The following PDPK1 variants were observed in gnomAD, a reference collection of about 807,000 sequenced individuals.
PDPK1 encodes 3-phosphoinositide-dependent protein kinase 1.
A neutral mutation model predicts 39.8 loss-of-function variants in PDPK1; 7 were observed. The ratio of observed to expected loss-of-function variants is 0.18; its 90% CI spans 0.10 to 0.33. The LOEUF (loss-of-function observed/expected upper bound fraction) is 0.33, where lower values mean the gene tolerates loss of function less well. Ranked by LOEUF, PDPK1 falls within the 10% of genes least tolerant of loss-of-function variation. The pLI is 1.00. For synonymous variants in PDPK1, 118 were observed against 159.1 expected, an observed-to-expected ratio of 0.74 and a Z score of 1.95; for missense variants, 182 against 384.7, an observed-to-expected ratio of 0.47 and a Z score of 4.41.
In PDPK1 at chr16:2,593,137, C is replaced by T. The variant is rs755731554; in HGVS notation, c.1344-2656C>T. 19 of 454,608 alleles carry T rather than the reference C, an allele frequency of 4.2e-5. No homozygotes were observed. The highest frequency in any genetic ancestry group is 6.0e-4 in the Middle Eastern group (1 of 1,680). The allele number at this position is 454,608 out of a possible 1,614,324, so 28.2% of individuals were successfully genotyped here. ...GCAGGTGCCGAGCGGGAGCACCACT[C>T]CTGCACGCCCGTGCCTGTGGCATGC... On this transcript the variant is annotated intron_variant, in intron 11 of 13. Coordinates refer to ENST00000342085, the MANE Select transcript of PDPK1 (RefSeq NM_002613.5). The surrounding 1 kb of genome is among the most constrained non-coding windows in gnomAD (Gnocchi z 4.2).
chr16:2,597,389 T>G lies in PDPK1; in HGVS notation c.1554+114T>G. Reference sequence around the variant, plus strand: ...AGCAGCGGGGATCGGGGCAGCTGCCTCGCCCTTTCCGACATCCCAGACGCC... The same window carrying G: ...AGCAGCGGGGATCGGGGCAGCTGCCGCGCCCTTTCCGACATCCCAGACGCC... On this transcript the variant is annotated intron_variant, in intron 13 of 13. Transcript: ENST00000342085. The surrounding 1 kb of genome is among the most constrained non-coding windows in gnomAD (Gnocchi z 6.3). 1.0e-6 allele frequency: 1 copy of G among 983,824 alleles called. No individual in the cohort carries two copies. The allele number at this position is 983,824 out of a possible 1,614,324, so 60.9% of individuals were successfully genotyped here. A position where few individuals can be genotyped will look rare whatever the true frequency, so the allele number is the denominator to read the frequency against.
Position 2,597,545 on chromosome 16 carries a change from C to T in PDPK1, c.1555-106C>T, listed in dbSNP as rs919108472. The T allele has an allele frequency of 2.7e-5, 23 of 836,996 alleles. No homozygotes were observed. The highest frequency in any genetic ancestry group is 2.9e-4 in the Middle Eastern group (1 of 3,410). The allele number at this position is 836,996 out of a possible 1,614,324, so 51.8% of individuals were successfully genotyped here. On this transcript the variant is annotated intron_variant, in intron 13 of 13. Transcript: ENST00000342085. This position sits in a 1 kb window ranked among gnomAD's most constrained non-coding sequence, Gnocchi z 6.3. The stretch of plus-strand genomic sequence containing the variant: ...CTTGTGTGAATAACCGTCACACCCA[C>T]GTGCTTTCAGGACTCGGAATGGCTG...
chr16:2,599,103 C>T lies in PDPK1; in HGVS notation c.*1336C>T. The T allele has an allele frequency of 4.3e-6, 1 of 233,458 alleles. No individual in the cohort carries two copies. The highest frequency in any genetic ancestry group is 8.5e-6 in the Non-Finnish European group (1 of 118,152). The allele number at this position is 233,458 out of a possible 1,614,324, so 14.5% of individuals were successfully genotyped here. A position where few individuals can be genotyped will look rare whatever the true frequency, so the allele number is the denominator to read the frequency against. On this transcript the variant is annotated 3_prime_UTR_variant, in exon 14 of 14. Coordinates refer to ENST00000342085, the MANE Select transcript of PDPK1 (RefSeq NM_002613.5). ...TGCCCCGCTCTGCAGCACAGACAGG[C>T]CAGATGCATTTGTCCTTTGCCTAGC...
intron 11 of PDPK1, among the ~76,000 whole-genome samples, chr16:2,587,476 A>G (rs934634088): frequency 5.3e-5 from 8 of 151,908 alleles, no homozygotes; most frequent in Non-Finnish European, 1.2e-4. Context: ...TTTTTGAGGT[A>G]CTTTGTGTCC....
intron 10 of PDPK1, among the ~76,000 whole-genome samples, chr16:2,585,726 C>G (rs1375980818): frequency 6.6e-6 from 1 of 152,212 alleles, no homozygotes; most frequent in Non-Finnish European, 1.5e-5. Flanking sequence ...GCACCTTGCT[C>G]CAGCCCAGCT....
At position 2,601,402 on chromosome 16, in the gene PDPK1, G is replaced by T; in HGVS notation, c.*3635G>T. On this transcript the variant is annotated 3_prime_UTR_variant, in exon 14 of 14. Coordinates refer to ENST00000342085, the MANE Select transcript of PDPK1 (RefSeq NM_002613.5). ...GCCAATTTCCTTGTTTTGGTTGCAA[G>T]AACCTGGCTCTGCCTGCATGTCAGC... is the stretch of plus-strand genomic sequence containing the variant. 1 of 234,658 alleles carries T rather than the reference G, an allele frequency of 4.3e-6. No homozygotes were observed. The highest frequency in any genetic ancestry group is 1.3e-3 in the Middle Eastern group (1 of 786). 14.5% of individuals were successfully genotyped at this position (234,658 alleles called of 1,614,324 possible). A position where few individuals can be genotyped will look rare whatever the true frequency, so the allele number is the denominator to read the frequency against.
chr16:2,538,079 C>G lies in PDPK1; in HGVS notation c.-34C>G. The G allele has an allele frequency of 2.0e-6, 2 of 1,016,002 alleles. No homozygotes were observed. Among genetic ancestry groups the G allele is most frequent in the African/African-American group, 1.7e-5 (1 of 57,326 alleles). The allele number at this position is 1,016,002 out of a possible 1,614,324, so 62.9% of individuals were successfully genotyped here. A position where few individuals can be genotyped will look rare whatever the true frequency, so the allele number is the denominator to read the frequency against. On this transcript the variant is annotated 5_prime_UTR_variant, in exon 1 of 14. Transcript: ENST00000342085. Reference sequence around the variant, plus strand: ...TGAGGAGGCGCCGAGCCGCGCAGCGCTGCGGGGGAGGCGCCCGCGCCGACG... The same window carrying G: ...TGAGGAGGCGCCGAGCCGCGCAGCGGTGCGGGGGAGGCGCCCGCGCCGACG...
chr16:2,544,364 G>A (rs1198043541), intron 1 of PDPK1, among the ~76,000 whole-genome samples: 2 of 152,198 alleles, frequency 1.3e-5, no homozygotes, highest in African/African-American at 4.8e-5. Context: ...CATTGAGCTA[G>A]CAGTGGAGAA....
intron 1 of PDPK1, chr16:2,538,809 C>G (rs999466677): frequency 1.6e-6 from 2 of 1,238,302 alleles, no homozygotes; most frequent in African/African-American, 3.1e-5. Context: ...AAACAAACCA[C>G]TTGTTGGGTG....
At position 2,580,275 on chromosome 16, in the gene PDPK1, G is replaced by T. The variant is rs1005494059; in HGVS notation, c.786-1020G>T. ...TTCTGTACTGTTGTGCGTTGAAGGG[G>T]TTTCCATGGATTCACACACTGGCGT... On this transcript the variant is annotated intron_variant, in intron 7 of 13. Transcript: ENST00000342085. Among the ~76,000 whole-genome samples the T allele has an allele frequency of 1.9e-4, 27 of 144,992 alleles. 2 individuals are homozygous for T. The highest frequency in any genetic ancestry group is 3.6e-4 in the Non-Finnish European group (24 of 66,704).
intron 1 of PDPK1, among the ~76,000 whole-genome samples, chr16:2,544,976 G>A (rs59334155): frequency 0.019 from 2,888 of 151,248 alleles, 98 homozygotes; most frequent in African/African-American, 0.066. Context: ...TGCCTTCTGA[G>A]CTCAGAAGCT....
chr16:2,585,581 C>T (rs2066852869), intron 10 of PDPK1, among the ~76,000 whole-genome samples: 2 of 152,206 alleles, frequency 1.3e-5, no homozygotes, highest in Admixed American at 6.5e-5. Flanking sequence ...CTGTAAGTGC[C>T]GGGGCAGTGT....
intron 11 of PDPK1, 69 bp downstream of exon 11, chr16:2,586,962 G>T (rs2066889860): frequency 7.3e-7 from 1 of 1,376,704 alleles, no homozygotes; most frequent in African/African-American, 1.4e-5. Flanking sequence ...GGCTTATGGT[G>T]GGTGCCTTTG....
chr16:2,577,837 C>G (rs368609490), intron 7 of PDPK1, among the ~76,000 whole-genome samples: 1 of 147,936 alleles, frequency 6.8e-6, no homozygotes, highest in Non-Finnish European at 1.5e-5. Flanking sequence ...CTCCCGGGTT[C>G]AAGCAATTCT....
rs539624769 is a variant in PDPK1 at position 2,601,571 on chromosome 16, T to G, written c.*3804T>G. 12 of 234,284 alleles carry G rather than the reference T, an allele frequency of 5.1e-5. No individual in the cohort carries two copies. The highest frequency in any genetic ancestry group is 2.4e-4 in the East Asian group (4 of 16,562). 14.5% of individuals were successfully genotyped at this position (234,284 alleles called of 1,614,324 possible). On this transcript the variant is annotated 3_prime_UTR_variant, in exon 14 of 14. Coordinates refer to ENST00000342085, the MANE Select transcript of PDPK1 (RefSeq NM_002613.5). The stretch of plus-strand genomic sequence containing the variant: ...CCTTGCCACATGCTTAGTGAGTGAT[T>G]TGTAATTAAGTTTATAGACTCAGAA...
At position 2,601,281 on chromosome 16, in the gene PDPK1, A is replaced by G. The variant is rs533467818; in HGVS notation, c.*3514A>G. 493 of 234,356 alleles carry G rather than the reference A, an allele frequency of 2.1e-3. 1 individual carries two copies. The highest frequency in any genetic ancestry group is 6.4e-3 in the African/African-American group (291 of 45,396). 14.5% of individuals were successfully genotyped at this position (234,356 alleles called of 1,614,324 possible). ...TGAACAAATCGGTTTCTGATAAGCCATGTGTTCCAAAGAATGTCTGAATAA... is the reference window on the plus strand; with the variant it reads ...TGAACAAATCGGTTTCTGATAAGCCGTGTGTTCCAAAGAATGTCTGAATAA... On this transcript the variant is annotated 3_prime_UTR_variant, in exon 14 of 14. Transcript: ENST00000342085.
At chr16:2,596,384 C>T (rs765724764) in intron 12 of PDPK1, among the ~76,000 whole-genome samples, 26 of 152,122 alleles carry the variant, frequency 1.7e-4, no homozygotes, top group Admixed American at 3.3e-4. Context: ...TTAGTAGAGA[C>T]GGGGTTTCAC....
intron 11 of PDPK1, chr16:2,592,645 AG>A (rs2067012976): frequency 2.6e-6 from 1 of 390,408 alleles, no homozygotes; most frequent in Admixed American, 3.0e-5. Flanking sequence ...ATTGCCCTCC[AG>A]ACTGGGCAAC....
In PDPK1 at chr16:2,599,282, C is replaced by A. The variant is rs908548525; in HGVS notation, c.*1515C>A. The stretch of plus-strand genomic sequence containing the variant: ...TGCCTCTGACTCAACTGTGTCCACC[C>A]TCCCTGGTCCCTACCCCCAAGTCAC... On this transcript the variant is annotated 3_prime_UTR_variant, in exon 14 of 14. Transcript: ENST00000342085. 8 of 233,164 alleles carry A rather than the reference C, an allele frequency of 3.4e-5. No homozygotes were observed. Among genetic ancestry groups the A allele is most frequent in the African/African-American group, 1.8e-4 (8 of 45,340 alleles). 14.4% of individuals were successfully genotyped at this position (233,164 alleles called of 1,614,324 possible).
Sources: allele counts gnomAD v4.1 joint callset (sites outside exome capture counted in the v4.1 genomes callset), GRCh38; gene constraint gnomAD v4.1.1; non-coding constraint Gnocchi (gnomAD v3.1); transcripts MANE v1.5; gene names NCBI Gene and HGNC (gene_info 2026-07-23, HGNC 2026-07-21).